The following FBRSL1 variants were observed in gnomAD, a reference collection of about 807,000 sequenced individuals.
FBRSL1 encodes fibrosin like 1.
A neutral mutation model predicts 89.6 loss-of-function variants in FBRSL1; 51 were observed. The observed-to-expected ratio is 0.57, with a 90% CI of 0.45 to 0.72. The LOEUF (loss-of-function observed/expected upper bound fraction) is 0.72. FBRSL1 is among the 30% of genes least tolerant of loss of function. The pLI, the probability that FBRSL1 is intolerant of heterozygous loss-of-function variation, is 0.00. For synonymous variants in FBRSL1, 779 were observed against 681.1 expected (o/e 1.14, Z -2.24); for missense variants, 1,618 against 1,451.8 (o/e 1.11, Z -1.86).
intron 2 of FBRSL1, among the ~76,000 whole-genome samples, chr12:132,520,099 A>C (rs1340209311): frequency 7.0e-5 from 8 of 114,626 alleles, no homozygotes; most frequent in African/African-American, 1.7e-4. Flanking sequence ...CCTCCAGCAC[A>C]CCCTCCTTGC....
At chr12:132,525,697 G>A (rs774541184) in intron 2 of FBRSL1, 37 bp from the exon 3 acceptor site, 3 of 1,506,912 alleles carry the variant, frequency 2.0e-6, no homozygotes, top group Admixed American at 3.9e-5. Context: ...GCGGTGAGGT[G>A]GGGGTTTGCC....
intron 1 of FBRSL1, among the ~76,000 whole-genome samples, chr12:132,491,846 A>G (rs2031042449): frequency 6.6e-6 from 1 of 152,228 alleles, no homozygotes; most frequent in African/African-American, 2.4e-5. Flanking sequence ...CAGGTGCCGC[A>G]TCGTGTCCCG....
Position 132,516,060 on chromosome 12 carries a change from T to C in FBRSL1, c.489+7710T>C, listed in dbSNP as rs182906841. On this transcript the variant is annotated intron_variant, in intron 2 of 18. Transcript: ENST00000680143. Reference sequence around the variant, plus strand: ...TTAGGAACAAAAGGGGAAATATCATTACAGGCACTATAGACACGAAAAAGG... The same window carrying C: ...TTAGGAACAAAAGGGGAAATATCATCACAGGCACTATAGACACGAAAAAGG... Among the ~76,000 whole-genome samples the C allele has an allele frequency of 2.3e-3, 352 of 152,246 alleles. 2 individuals are homozygous for C. Among genetic ancestry groups the C allele is most frequent in the African/African-American group, 7.8e-3 (322 of 41,534 alleles).
intron 14 of FBRSL1, among the ~76,000 whole-genome samples, chr12:132,575,269 C>T (rs547302409): frequency 1.3e-3 from 197 of 152,344 alleles, no homozygotes; most frequent in Middle Eastern, 3.4e-3. Flanking sequence ...GCTCTGTCGC[C>T]CAGGCTGGAG....
At position 132,583,371 on chromosome 12, in the gene FBRSL1, G is replaced by A. The variant is rs1456145377; in HGVS notation, c.2602G>A (p.Ala868Thr). 2.7e-6 allele frequency: 3 copies of A among 1,105,338 alleles called. No homozygotes were observed. The highest frequency in any genetic ancestry group is 2.9e-5 in the South Asian group (1 of 34,416). 68.5% of individuals were successfully genotyped at this position (1,105,338 alleles called of 1,614,324 possible). A position where few individuals can be genotyped will look rare whatever the true frequency, so the allele number is the denominator to read the frequency against. The change falls in exon 19 of 19, where the codon GCC becomes ACC. Residue 868 changes from alanine (A) to threonine (T), a missense_variant. Physicochemically the swap from Ala to Thr is moderately conservative, Grantham distance 58 (BLOSUM62 0). Transcript: ENST00000680143. ...GCTGCCACGTCGCGCCTTCCCCGCT[G>A]CCGCCCCCGCCCCGGGCTCCGCCGC... Reference protein sequence around the residue: ...LELPRRAFPAAAPAPGSAALL... With the variant: ...LELPRRAFPATAPAPGSAALL...
chr12:132,574,768 G>A (rs547076668), intron 14 of FBRSL1, among the ~76,000 whole-genome samples: 8 of 152,170 alleles, frequency 5.3e-5, no homozygotes, highest in Non-Finnish European at 7.4e-5. Context: ...CTGGGTGCCC[G>A]GGTGCCGCAA....
At chr12:132,537,485 G>A (rs1327459113) in intron 4 of FBRSL1, among the ~76,000 whole-genome samples, 2 of 152,186 alleles carry the variant, frequency 1.3e-5, no homozygotes, top group Admixed American at 6.5e-5. Flanking sequence ...TGCCAGTCCA[G>A]ATGTTCCTAT....
chr12:132,580,873 G>GCCCGGGCCCAGGC, intron 15 of FBRSL1: 1 of 985,400 alleles, frequency 1.0e-6, no homozygotes, highest in Non-Finnish European at 1.2e-6. Flanking sequence ...CCCTCCCAGG[G>GCCCGGGCCCAGGC]CCCGGGCCCA....
chr12:132,508,713 C>T (rs1026029380), intron 2 of FBRSL1, among the ~76,000 whole-genome samples: 1 of 152,252 alleles, frequency 6.6e-6, no homozygotes, highest in African/African-American at 2.4e-5. Flanking sequence ...AGGAGGGGGT[C>T]CAGGCTCATT....
intron 4 of FBRSL1, among the ~76,000 whole-genome samples, chr12:132,530,772 C>T (rs2137010189): frequency 6.7e-6 from 1 of 149,792 alleles, no homozygotes; most frequent in East Asian, 2.0e-4. Context: ...GCCTGCTGCA[C>T]TGGGGATGGG....
At chr12:132,496,918 G>A (rs948803656) in intron 1 of FBRSL1, among the ~76,000 whole-genome samples, 3 of 142,194 alleles carry the variant, frequency 2.1e-5, no homozygotes, top group East Asian at 2.4e-4. Context: ...AGCTTGTGCC[G>A]CTGCCCCGCG....
chr12:132,506,056 C>G (rs1593265815), intron 1 of FBRSL1, among the ~76,000 whole-genome samples: 1 of 152,348 alleles, frequency 6.6e-6, no homozygotes, highest in East Asian at 1.9e-4. Context: ...GCACCCACCC[C>G]ATGCTGTCTG....
chr12:132,528,628 G>A (rs959932307), intron 4 of FBRSL1, among the ~76,000 whole-genome samples: 6 of 151,802 alleles, frequency 4.0e-5, no homozygotes, highest in Non-Finnish European at 5.9e-5. Flanking sequence ...GTGTGTGTCC[G>A]GGGGAGCGGG....
rs1232578408 is a variant in FBRSL1 at position 132,535,423 on chromosome 12, G to A, written c.615+7435G>A. On this transcript the variant is annotated intron_variant, in intron 4 of 18. Transcript: ENST00000680143. ...CTGTGGGGACGTAGAGGGAGAGATG[G>A]AAAGAAACACTGGTGAGGCCTCTGA... 2.0e-5 allele frequency among the ~76,000 whole-genome samples: 3 copies of A among 152,250 alleles called. 1 individual carries two copies. Among genetic ancestry groups the A allele is most frequent in the South Asian group, 4.1e-4 (2 of 4,832 alleles).
rs1450581022 is a variant in FBRSL1 at position 132,570,533 on chromosome 12, C to T, written c.1206C>T (p.His402=). The T allele has an allele frequency of 1.3e-6, 2 of 1,509,908 alleles. No individual in the cohort carries two copies. The highest frequency in any genetic ancestry group is 4.1e-5 in the Admixed American group (2 of 48,248). The allele number at this position is 1,509,908 out of a possible 1,614,324, so 93.5% of individuals were successfully genotyped here. A position where few individuals can be genotyped will look rare whatever the true frequency, so the allele number is the denominator to read the frequency against. Residue 402 remains histidine, a synonymous_variant, in exon 8 of 19, where the codon CAC becomes CAT. Transcript: ENST00000680143. ...CCAGCAGCCTGGTCCTCCCAGGACA[C>T]CCGGCCGGTAGGTGTCTCGGCCACA... The part of the protein sequence containing the change: ...LPASSLVLPG[H]PADASLAVSF...
intron 4 of FBRSL1, among the ~76,000 whole-genome samples, chr12:132,528,564 AGGGGGAGCGGGTGTGTTTCCCG>A (rs1029639715): frequency 2.6e-4 from 35 of 133,060 alleles, no homozygotes; most frequent in African/African-American, 9.3e-4. Context: ...GTGTGTGCCC[AGGGGGAGCGGGTGTGTTTCCCG>A]GGGGGAGCGG....
chr12:132,575,013 G>A (rs912717065), intron 14 of FBRSL1, among the ~76,000 whole-genome samples: 2 of 151,970 alleles, frequency 1.3e-5, no homozygotes, highest in Non-Finnish European at 2.9e-5. Flanking sequence ...GGAGCCCCGC[G>A]GGCAGCTCGG....
At chr12:132,543,671 C>T (rs2037448601) in intron 4 of FBRSL1, among the ~76,000 whole-genome samples, 1 of 152,242 alleles carries the variant, frequency 6.6e-6, no homozygotes, top group Admixed American at 6.5e-5. Flanking sequence ...AGGCCGTTGT[C>T]CACCCACGGG....
intron 2 of FBRSL1, chr12:132,511,408 G>A (rs1463763096): frequency 3.7e-5 from 36 of 985,724 alleles, no homozygotes; most frequent in Admixed American, 6.1e-5. Flanking sequence ...CCCCTTCCAC[G>A]GCCCCCACCT....
Sources: gnomAD v4.1 joint callset for allele counts (sites outside exome capture counted in the v4.1 genomes callset) on GRCh38, gnomAD v4.1.1 for gene constraint, MANE v1.5 for transcripts, NCBI Gene and HGNC (gene_info 2026-07-23, HGNC 2026-07-21) for gene names.